The following UGCG variants were observed in gnomAD, a reference collection of about 807,000 sequenced individuals.
The protein encoded by UGCG is ceramide glucosyltransferase.
Under a neutral mutation model 49.5 loss-of-function variants are expected in UGCG, and 10 were observed. The ratio of observed to expected loss-of-function variants is 0.20; its 90% CI spans 0.12 to 0.34. The LOEUF is 0.34. Ranked by LOEUF, UGCG falls within the 10% of genes least tolerant of loss-of-function variation. UGCG has a pLI of 1.00. For synonymous variants in UGCG, 182 were observed against 158.2 expected, an observed-to-expected ratio of 1.15 and a Z score of -1.13; for missense variants, 312 against 483.7, an observed-to-expected ratio of 0.65 and a Z score of 3.33.
At chr9:111,927,015 GGT>G (rs1445088611) in intron 5 of UGCG, among the ~76,000 whole-genome samples, 1 of 151,312 alleles carries the variant, frequency 6.6e-6, no homozygotes, top group Admixed American at 6.6e-5. Flanking sequence ...TGGGATTTCA[GGT>G]GTGCTACCAC....
intron 6 of UGCG, among the ~76,000 whole-genome samples, chr9:111,930,471 T>G (rs1251948991): frequency 1.3e-4 from 5 of 37,776 alleles, no homozygotes; most frequent in East Asian, 2.1e-3. Flanking sequence ...TTTGTTTTGG[T>G]TTTTTTTTTT....
chr9:111,919,244 A>G (rs1838172619), intron 2 of UGCG, among the ~76,000 whole-genome samples: 1 of 152,214 alleles, frequency 6.6e-6, no homozygotes, highest in South Asian at 2.1e-4. Context: ...TCATGCCTGT[A>G]ATACCAGTAC....
At chr9:111,926,768 TGTA>T (rs1439480271) in intron 5 of UGCG, among the ~76,000 whole-genome samples, 3 of 151,980 alleles carry the variant, frequency 2.0e-5, no homozygotes, top group African/African-American at 2.4e-5. Flanking sequence ...CCTCTTGCCT[TGTA>T]GTATTCACTT....
intron 2 of UGCG, among the ~76,000 whole-genome samples, chr9:111,918,873 G>C (rs906180988): frequency 2.7e-5 from 4 of 150,796 alleles, no homozygotes; most frequent in Non-Finnish European, 5.9e-5. Flanking sequence ...TGCAGTGAGC[G>C]GAGATCGCGC....
chr9:111,912,741 A>G (rs930423367), intron 1 of UGCG, among the ~76,000 whole-genome samples: 1 of 152,254 alleles, frequency 6.6e-6, no homozygotes, highest in Non-Finnish European at 1.5e-5. Context: ...GCAAACCAGT[A>G]AAAAGCAATG....
intron 5 of UGCG, among the ~76,000 whole-genome samples, chr9:111,927,627 AT>A (rs1271109248): frequency 3.3e-5 from 5 of 151,762 alleles, no homozygotes; most frequent in Non-Finnish European, 5.9e-5. Flanking sequence ...AATTTTTTGT[AT>A]TTTTGATAGA....
chr9:111,909,777 T>G (rs1259190229), intron 1 of UGCG, among the ~76,000 whole-genome samples: 1 of 152,200 alleles, frequency 6.6e-6, no homozygotes, highest in Non-Finnish European at 1.5e-5. Context: ...TTTCAAGTAA[T>G]TTGTACCACA....
At chr9:111,898,808 A>G (rs1837713916) in intron 1 of UGCG, among the ~76,000 whole-genome samples, 1 of 152,122 alleles carries the variant, frequency 6.6e-6, no homozygotes. Flanking sequence ...TGTGTGAGAG[A>G]GAGAGAAGGA....
intron 8 of UGCG, 56 bp downstream of exon 8, chr9:111,932,415 C>T: frequency 3.3e-6 from 5 of 1,499,330 alleles, no homozygotes; most frequent in Non-Finnish European, 4.5e-6. Flanking sequence ...AGAACTATTT[C>T]AATTTAGAAA....
intron 1 of UGCG, among the ~76,000 whole-genome samples, chr9:111,906,638 C>G (rs1837891045): frequency 6.6e-6 from 1 of 151,958 alleles, no homozygotes; most frequent in African/African-American, 2.4e-5. Flanking sequence ...CCATGTTGGC[C>G]AGGCTGGTCT....
At chr9:111,901,286 C>G (rs1054192850) in intron 1 of UGCG, among the ~76,000 whole-genome samples, 6 of 152,148 alleles carry the variant, frequency 3.9e-5, no homozygotes, top group Non-Finnish European at 8.8e-5. Context: ...TTAGTACGAT[C>G]TTTGCCTTAA....
At chr9:111,918,963 A>AC (rs1318191681) in intron 2 of UGCG, among the ~76,000 whole-genome samples, 3 of 150,364 alleles carry the variant, frequency 2.0e-5, no homozygotes, top group African/African-American at 7.4e-5. Flanking sequence ...AAAAAAAAAC[A>AC]CTTCAAACCT....
chr9:111,911,927 T>C lies in UGCG; in HGVS notation c.99-2678T>C, dbSNP rs1204618265. Among the ~76,000 whole-genome samples, 97 of 24,786 alleles carry C rather than the reference T, an allele frequency of 3.9e-3. 2 individuals are homozygous for C. Among genetic ancestry groups the C allele is most frequent in the African/African-American group, 0.016 (84 of 5,168 alleles). 16.3% of individuals were successfully genotyped at this position (24,786 alleles called of 152,430 possible). On this transcript the variant is annotated intron_variant, in intron 1 of 8. Transcript: ENST00000374279. ...CAGGATATATATATATATATATATA[T>C]ATATATATATATATATATATATATA...
At chr9:111,931,989 C>T in intron 7 of UGCG, 181 bp from the exon 8 acceptor site, 1 of 643,296 alleles carries the variant, frequency 1.6e-6, no homozygotes, top group Non-Finnish European at 2.6e-6. Context: ...CACTGCACTC[C>T]AGCCTGGGTG....
rs1837676486 is a variant in UGCG, at chr9:111,897,118, C to T, written c.-98C>T. 17 of 981,978 alleles carry T rather than the reference C, an allele frequency of 1.7e-5. No individual in the cohort carries two copies. The highest frequency in any genetic ancestry group is 2.5e-5 in the Non-Finnish European group (17 of 688,834). The allele number at this position is 981,978 out of a possible 1,614,324, so 60.8% of individuals were successfully genotyped here. A position where few individuals can be genotyped will look rare whatever the true frequency, so the allele number is the denominator to read the frequency against. On this transcript the variant is annotated 5_prime_UTR_variant, in exon 1 of 9. Transcript: ENST00000374279. ...CTCTCCCCACCTTCCTCTCGCCTCCCGCGCCCCCGCACCGGGCGCCCACCC... is the reference window on the plus strand; with the variant it reads ...CTCTCCCCACCTTCCTCTCGCCTCCTGCGCCCCCGCACCGGGCGCCCACCC...
At chr9:111,903,383 G>A (rs1476255941) in intron 1 of UGCG, among the ~76,000 whole-genome samples, 1 of 151,974 alleles carries the variant, frequency 6.6e-6, no homozygotes, top group Admixed American at 6.5e-5. Flanking sequence ...TGACCAACGT[G>A]GCAAAACCCC....
At chr9:111,920,291 A>G (rs566548756) in intron 2 of UGCG, among the ~76,000 whole-genome samples, 1 of 152,138 alleles carries the variant, frequency 6.6e-6, no homozygotes, top group Non-Finnish European at 1.5e-5. Flanking sequence ...TCATTTGACA[A>G]AAAATCTTAT....
In UGCG at chr9:111,925,767, G is replaced by A. The variant is rs1223967451; in HGVS notation, c.446-617G>A. On this transcript the variant is annotated intron_variant, in intron 4 of 8. Coordinates refer to ENST00000374279, the MANE Select transcript of UGCG (RefSeq NM_003358.3). ...GGGCAATAATTTAAATTTTTTATTAGCTTAAAATGCAAATTAGAAAATGAA... is the reference window on the plus strand; with the variant it reads ...GGGCAATAATTTAAATTTTTTATTAACTTAAAATGCAAATTAGAAAATGAA... 3.3e-5 allele frequency among the ~76,000 whole-genome samples: 5 copies of A among 152,172 alleles called. No individual in the cohort carries two copies. In the East Asian group the frequency reaches 9.6e-4, roughly 29 times the overall value.
At chr9:111,909,050 C>T (rs1234168775) in intron 1 of UGCG, among the ~76,000 whole-genome samples, 1 of 152,148 alleles carries the variant, frequency 6.6e-6, no homozygotes, top group African/African-American at 2.4e-5. Context: ...TCCCGAGTAG[C>T]TGGAATTATA....
Sources: gnomAD v4.1 joint callset for allele counts (sites outside exome capture counted in the v4.1 genomes callset) on GRCh38, gnomAD v4.1.1 for gene constraint, MANE v1.5 for transcripts, NCBI Gene and HGNC (gene_info 2026-07-23, HGNC 2026-07-21) for gene names.